Variants in PTCHD1 observed in about 807,000 individuals in gnomAD.
PTCHD1 encodes the protein patched domain containing 1, also known as patched domain-containing protein 1.
Under a neutral mutation model 34.6 loss-of-function variants are expected in PTCHD1, and 3 were observed. The ratio of observed to expected loss-of-function variants is 0.09; its 90% confidence interval spans 0.04 to 0.22. The LOEUF (loss-of-function observed/expected upper bound fraction) is 0.22. Among genes scored for constraint, PTCHD1 ranks in the 10% least tolerant of loss-of-function variants. The probability of loss-of-function intolerance (pLI) is 1.00; values close to 1 mark genes in which losing one functional copy is unlikely to be tolerated. For synonymous variants in PTCHD1, 305 were observed against 283.1 expected (o/e 1.08, Z -0.77); for missense variants, 504 against 685.5 (o/e 0.74, Z 2.96).
intron 1 of PTCHD1, chrX:23,351,221 T>C: frequency 1.4e-6 from 1 of 737,686 alleles, no homozygotes; most frequent in Non-Finnish European, 2.1e-6. Context: ...CTGGACAGTA[T>C]GGCTCAGCAG....
Position 23,335,150 on chromosome X carries a change from G to A in PTCHD1, c.275G>A (p.Arg92His). 8.3e-7 allele frequency: 1 copy of A among 1,211,949 alleles called. No homozygotes were observed. The highest frequency in any genetic ancestry group is 1.8e-5 in the South Asian group (1 of 57,012). Residue 92 changes from arginine to histidine, a missense_variant, in exon 1 of 3, where the codon CGC becomes CAC. By Grantham distance (29) the Arg-to-His change is conservative. Coordinates refer to ENST00000379361, the MANE Select transcript of PTCHD1 (RefSeq NM_173495.3). ...TACTCGGACCTGCAGACCCCCGGGCGCTACGGCCGGGTCATCGTCACCTCC... is the reference window on the plus strand; with the variant it reads ...TACTCGGACCTGCAGACCCCCGGGCACTACGGCCGGGTCATCGTCACCTCC... ...RLYSDLQTPG[R>H]YGRVIVTSFQ...
rs768481579 is a variant in PTCHD1, at chrX:23,393,331, C to T, written c.1813C>T (p.Pro605Ser). ...LRKLNVSTGL[P>S]KKNFTDMLRN... is the part of the protein sequence containing the mutation. ...GAAACTCAATGTATCCACTGGCTTG[C>T]CTAAGAAAAATTTCACAGACATGTT... Residue 605 changes from proline (P) to serine (S), a missense_variant, in exon 3 of 3, where the codon CCT (proline) becomes TCT (serine). Coordinates refer to ENST00000379361, the MANE Select transcript of PTCHD1 (RefSeq NM_173495.3). 3 of 1,210,501 alleles carry T rather than the reference C, an allele frequency of 2.5e-6. No individual in the cohort carries two copies. In the Admixed American group the frequency reaches 6.5e-5, roughly 26 times the overall value.
intron 1 of PTCHD1, among the ~76,000 whole-genome samples, chrX:23,354,453 A>AG (rs1921740552): frequency 9.6e-6 from 1 of 104,513 alleles, no homozygotes; most frequent in East Asian, 3.4e-4. Flanking sequence ...AGAGAGAGAG[A>AG]AACACACAAC....
At chrX:23,370,137 T>C (rs772835707) in intron 1 of PTCHD1, among the ~76,000 whole-genome samples, 2 of 112,193 alleles carry the variant, frequency 1.8e-5, no homozygotes, top group African/African-American at 6.5e-5. Flanking sequence ...AATTTCTGAT[T>C]TATCCTTCAA....
rs73207439 is a variant in PTCHD1, at chrX:23,403,684, G to A, written c.*9499G>A. ...TAGATGTTTCTACTGCTTATTTGCA[G>A]TATCTACAGGGGAATGGTTCGTGGA... On this transcript the variant is annotated 3_prime_UTR_variant, in exon 3 of 3. Transcript: ENST00000379361. The A allele has an allele frequency of 2.7e-5, 3 of 111,414 alleles. No individual in the cohort carries two copies. Among genetic ancestry groups the A allele is most frequent in the Non-Finnish European group, 5.7e-5 (3 of 53,072 alleles). 9.2% of individuals were successfully genotyped at this position (111,414 alleles called of 1,213,427 possible). A position where few individuals can be genotyped will look rare whatever the true frequency, so the allele number is the denominator to read the frequency against.
intron 1 of PTCHD1, among the ~76,000 whole-genome samples, chrX:23,358,994 T>A (rs1347376952): frequency 8.9e-6 from 1 of 112,098 alleles, no homozygotes; most frequent in Non-Finnish European, 1.9e-5. Flanking sequence ...TCTGTTCTGT[T>A]CCATTGGTCC....
At chrX:23,350,748 A>G (rs1921610122) in intron 1 of PTCHD1, among the ~76,000 whole-genome samples, 1 of 111,095 alleles carries the variant, frequency 9.0e-6, no homozygotes, top group African/African-American at 3.3e-5. Flanking sequence ...GTAACATCAA[A>G]TTTACAAAAT....
rs565727520 is a variant in PTCHD1 at position 23,380,048 on chromosome X, G to A, written c.809G>A (p.Arg270His). 1.7e-5 allele frequency: 21 copies of A among 1,210,068 alleles called. No individual in the cohort carries two copies. Among genetic ancestry groups the A allele is most frequent in the African/African-American group, 3.5e-5 (2 of 57,253 alleles). ...CAGAAGACCAGCCGCGTATCAGAAC[G>A]TTACCTGGTCACCAGCCTGATTCTG... ...DFQKTSRVSERYLVTSLILVV... is the reference protein window; with the variant it reads ...DFQKTSRVSEHYLVTSLILVV... Residue 270 changes from arginine to histidine, a missense_variant, in exon 2 of 3, where the codon CGT (arginine) becomes CAT (histidine). By Grantham distance (29) the Arg-to-His change is conservative (BLOSUM62 0). Transcript: ENST00000379361.
At chrX:23,380,367 G>GC (rs778127568) in intron 2 of PTCHD1, 116 bp downstream of exon 2, 1 of 739,223 alleles carries the variant, frequency 1.4e-6, no homozygotes, top group African/African-American at 2.1e-5. Context: ...TCTTCATTTT[G>GC]CCCAAAAGTC....
At chrX:23,383,985 T>G (rs934639151) in intron 2 of PTCHD1, among the ~76,000 whole-genome samples, 1 of 112,314 alleles carries the variant, frequency 8.9e-6, no homozygotes, top group African/African-American at 3.2e-5. Context: ...TGGGTATGAT[T>G]TTTAAAATTA....
intron 2 of PTCHD1, among the ~76,000 whole-genome samples, chrX:23,388,355 T>C (rs1384580369): frequency 8.9e-6 from 1 of 112,151 alleles, no homozygotes; most frequent in Admixed American, 9.4e-5. Context: ...TGTAGAGAAG[T>C]TTTTAAAACT....
chrX:23,403,799 G>C lies in PTCHD1; in HGVS notation c.*9614G>C, dbSNP rs913656474. On this transcript the variant is annotated 3_prime_UTR_variant, in exon 3 of 3. Coordinates refer to ENST00000379361, the MANE Select transcript of PTCHD1 (RefSeq NM_173495.3). ...TATCTATAAAAATATGACTAAACTT[G>C]TTACATTTGAGGCAAATATGTACAG... 3 of 110,515 alleles carry C rather than the reference G, an allele frequency of 2.7e-5. No individual in the cohort carries two copies. Among genetic ancestry groups the C allele is most frequent in the Non-Finnish European group, 5.7e-5 (3 of 52,897 alleles). The allele number at this position is 110,515 out of a possible 1,213,427, so 9.1% of individuals were successfully genotyped here.
intron 1 of PTCHD1, among the ~76,000 whole-genome samples, chrX:23,356,846 G>C (rs1921819101): frequency 1.8e-5 from 2 of 111,657 alleles, no homozygotes; most frequent in African/African-American, 6.5e-5. Context: ...TTTTCTGATT[G>C]AGATGGGGAA....
intron 1 of PTCHD1, among the ~76,000 whole-genome samples, chrX:23,346,143 T>G (rs988484764): frequency 8.9e-6 from 1 of 112,282 alleles, no homozygotes; most frequent in African/African-American, 3.2e-5. Context: ...AGAACTTCCT[T>G]TAAAGCAAAT....
At chrX:23,385,742 AG>A (rs1259801955) in intron 2 of PTCHD1, among the ~76,000 whole-genome samples, 1 of 111,338 alleles carries the variant, frequency 9.0e-6, no homozygotes, top group African/African-American at 3.3e-5. Flanking sequence ...GGGATTCTAT[AG>A]CCCCTTCTCT....
In PTCHD1 at chrX:23,403,667, T is replaced by C. The variant is rs1923173585; in HGVS notation, c.*9482T>C. ...CTGAACATTAACAAGCCTAGATGTT[T>C]CTACTGCTTATTTGCAGTATCTACA... On this transcript the variant is annotated 3_prime_UTR_variant, in exon 3 of 3. Coordinates refer to ENST00000379361, the MANE Select transcript of PTCHD1 (RefSeq NM_173495.3). 9.0e-6 allele frequency: 1 copy of C among 111,633 alleles called. No homozygotes were observed. Among genetic ancestry groups the C allele is most frequent in the Non-Finnish European group, 1.9e-5 (1 of 53,163 alleles). 9.2% of individuals were successfully genotyped at this position (111,633 alleles called of 1,213,427 possible). A position where few individuals can be genotyped will look rare whatever the true frequency, so the allele number is the denominator to read the frequency against.
rs1337808604 is a variant in PTCHD1 at position 23,395,662 on chromosome X, T to C, written c.*1477T>C. On this transcript the variant is annotated 3_prime_UTR_variant, in exon 3 of 3. Coordinates refer to ENST00000379361, the MANE Select transcript of PTCHD1 (RefSeq NM_173495.3). ...AAATGGTTTAGATCTAAAAAGGCTG[T>C]ATACGTTGCCCAGGCCCCTGCATTT... 1 of 112,231 alleles carries C rather than the reference T, an allele frequency of 8.9e-6. No individual in the cohort carries two copies. Among genetic ancestry groups the C allele is most frequent in the Non-Finnish European group, 1.9e-5 (1 of 53,229 alleles). 9.2% of individuals were successfully genotyped at this position (112,231 alleles called of 1,213,427 possible).
intron 1 of PTCHD1, among the ~76,000 whole-genome samples, chrX:23,364,328 C>T (rs775020479): frequency 2.7e-4 from 29 of 108,696 alleles, no homozygotes; most frequent in Non-Finnish European, 4.4e-4. Flanking sequence ...AACATTTACA[C>T]ATTGTACTGT....
chrX:23,344,414 T>G (rs1262866728), intron 1 of PTCHD1, among the ~76,000 whole-genome samples: 1 of 112,549 alleles, frequency 8.9e-6, no homozygotes, highest in Non-Finnish European at 1.9e-5. Context: ...TGAAAATGAC[T>G]GCTATTTCCT....
Sources: allele counts gnomAD v4.1 joint callset (sites outside exome capture counted in the v4.1 genomes callset), GRCh38; gene constraint gnomAD v4.1.1; transcripts MANE v1.5; gene names NCBI Gene and HGNC (gene_info 2026-07-23, HGNC 2026-07-21).